TCEA1: variants seen among roughly 807,000 people sequenced by gnomAD.
TCEA1 encodes transcription elongation factor A protein 1.
TCEA1 carries 21 observed loss-of-function variants against 43.8 expected under a neutral mutation model. The observed-to-expected ratio is 0.48, with a 90% CI of 0.34 to 0.69. The LOEUF is 0.69. Ranked by LOEUF, TCEA1 falls within the 30% of genes least tolerant of loss-of-function variation. The probability of loss-of-function intolerance (pLI) is 0.01; values close to 1 mark genes in which losing one functional copy is unlikely to be tolerated. For missense variants in TCEA1, 250 were observed against 365.1 expected, an observed-to-expected ratio of 0.68 and a Z score of 2.57; for synonymous variants, 104 against 117.5, an observed-to-expected ratio of 0.88 and a Z score of 0.75.
intron 3 of TCEA1, among the ~76,000 whole-genome samples, chr8:53,996,064 G>A (rs767546987): frequency 1.1e-4 from 16 of 152,210 alleles, no homozygotes; most frequent in Non-Finnish European, 1.9e-4. Flanking sequence ...TAATAGGGTA[G>A]AAAGCATTTA....
chr8:53,990,417 C>G (rs1490040271), intron 4 of TCEA1, among the ~76,000 whole-genome samples: 1 of 150,070 alleles, frequency 6.7e-6, no homozygotes, highest in Non-Finnish European at 1.5e-5. Context: ...GACTGGAGTG[C>G]AGTGAAACAA....
chr8:54,003,151 TACATTTAAAACAC>T (rs1318566040), intron 2 of TCEA1: 2 of 440,678 alleles, frequency 4.5e-6, no homozygotes, highest in Non-Finnish European at 9.1e-6. Flanking sequence ...ATGTAAAACA[TACATTTAAAACAC>T]ACATATATAA....
chr8:53,978,224 C>A (rs533817864), intron 8 of TCEA1, among the ~76,000 whole-genome samples: 1 of 151,990 alleles, frequency 6.6e-6, no homozygotes, highest in African/African-American at 2.4e-5. Context: ...TGCAGCAAGA[C>A]CCCATCTCCG....
Position 54,006,899 on chromosome 8 carries a change from G to A in TCEA1, c.126+3531C>T, listed in dbSNP as rs991057415. Among the ~76,000 whole-genome samples the A allele has an allele frequency of 2.0e-5, 3 of 151,698 alleles. No homozygotes were observed. The East Asian group carries it at 5.9e-4, about 30-fold the overall frequency. On this transcript the variant is annotated intron_variant, in intron 2 of 9. Transcript: ENST00000521604. ...GTTGCCCAGGCTGGGGTGCAGTGGC[G>A]CAATCTTGACTCACTGCAACCTCCG... is the stretch of plus-strand genomic sequence containing the variant.
At chr8:54,016,007 T>A (rs1363858209) in intron 1 of TCEA1, among the ~76,000 whole-genome samples, 1 of 152,158 alleles carries the variant, frequency 6.6e-6, no homozygotes, top group Non-Finnish European at 1.5e-5. Context: ...AGGAAGGCTA[T>A]AATCAAGACA....
rs572163500 is a variant in TCEA1 at position 54,021,982 on chromosome 8, GAGA to G, written c.63+78_63+80del. ...CGGGAGGCTGCAGGGGGAGGGGAGG[GAGA>G]AGGAGGGAGGGGGCGGCCCCCTCGG... On this transcript the variant is annotated intron_variant, in intron 1 of 9. Coordinates refer to ENST00000521604, the MANE Select transcript of TCEA1 (RefSeq NM_006756.4). The G allele has an allele frequency of 1.9e-4, 245 of 1,309,854 alleles. 3 individuals are homozygous for G. In the South Asian group the frequency reaches 3.8e-3, roughly 20 times the overall value. 81.1% of individuals were successfully genotyped at this position (1,309,854 alleles called of 1,614,324 possible).
rs563603736 is a variant in TCEA1, at chr8:53,991,531, C to G, written c.320+2137G>C. On this transcript the variant is annotated intron_variant, in intron 4 of 9. Transcript: ENST00000521604. ...TCAAAATGGAGAAACCCCGTCTCCA[C>G]TAAAAATACAAAATTAGCCAGGCAT... is the stretch of plus-strand genomic sequence containing the variant. 1.7e-3 allele frequency among the ~76,000 whole-genome samples: 253 copies of G among 151,916 alleles called. 2 individuals are homozygous for G. Among genetic ancestry groups the G allele is most frequent in the Non-Finnish European group, 3.0e-3 (204 of 67,974 alleles).
intron 1 of TCEA1, among the ~76,000 whole-genome samples, chr8:54,013,365 C>CT (rs1804716209): frequency 6.6e-6 from 1 of 152,076 alleles, no homozygotes; most frequent in Non-Finnish European, 1.5e-5. Flanking sequence ...ACTGAAGGGT[C>CT]TTTAAGAAAT....
At position 53,979,126 on chromosome 8, in the gene TCEA1, T is replaced by C; in HGVS notation, c.724A>G (p.Lys242Glu). ...ELKEMRKNLT[K>E]EAIREHQMAK... ...ATCTGATGCTCTCTGATGGCTTCTT[T>C]GGTCAAGTTTTTCCGCATCTCTTTC... Residue 242 changes from lysine to glutamate, a missense_variant, in exon 8 of 10, where the codon AAA (lysine) becomes GAA (glutamate). By Grantham distance (56) the Lys-to-Glu change is moderately conservative. Transcript: ENST00000521604. 6.2e-7 allele frequency: 1 copy of C among 1,613,868 alleles called. No homozygotes were observed. Among genetic ancestry groups the C allele is most frequent in the Non-Finnish European group, 8.5e-7 (1 of 1,179,826 alleles).
At position 53,999,971 on chromosome 8, in the gene TCEA1, A is replaced by T. The variant is rs1256739538; in HGVS notation, c.206T>A (p.Leu69His). 6.3e-7 allele frequency: 1 copy of T among 1,599,592 alleles called. No homozygotes were observed. Among genetic ancestry groups the T allele is most frequent in the Non-Finnish European group, 8.5e-7 (1 of 1,171,110 alleles). ...DEEVTSLAKSLIKSWKKLLDG... is the reference protein window; with the variant it reads ...DEEVTSLAKSHIKSWKKLLDG... ...TAATAATTTTTTCCAGGATTTGATG[A>T]GAGACTTTGCCAAAGATGTAACTTC... Residue 69 changes from leucine to histidine, a missense_variant, in exon 3 of 10, where the codon CTC becomes CAC. By Grantham distance (99) the Leu-to-His change is moderately conservative. This residue lies in a region of TCEA1 where 27 missense variants were observed against 63.1 expected (regional missense o/e 0.43). Transcript: ENST00000521604.
At chr8:53,978,540 C>T (rs1423624972) in intron 8 of TCEA1, 3 of 153,832 alleles carry the variant, frequency 2.0e-5, no homozygotes, top group Non-Finnish European at 4.3e-5. Context: ...TCATCCACAT[C>T]ATCAGGGCTC....
chr8:54,018,644 G>C (rs1352333237), intron 1 of TCEA1, among the ~76,000 whole-genome samples: 1 of 152,136 alleles, frequency 6.6e-6, no homozygotes, highest in African/African-American at 2.4e-5. Flanking sequence ...AGCTTAAGCA[G>C]AAAACAGCTA....
intron 3 of TCEA1, among the ~76,000 whole-genome samples, chr8:53,997,140 C>T (rs1804085524): frequency 6.6e-6 from 1 of 151,932 alleles, no homozygotes; most frequent in Non-Finnish European, 1.5e-5. Context: ...GATCTCCTGA[C>T]CTCGTGATCT....
intron 6 of TCEA1, 45 bp downstream of exon 6, chr8:53,986,924 T>C: frequency 1.4e-6 from 2 of 1,440,408 alleles, no homozygotes; most frequent in Non-Finnish European, 1.9e-6. Context: ...TCAATAAATA[T>C]TACTTATTAA....
chr8:54,019,125 G>A (rs146459869), intron 1 of TCEA1, among the ~76,000 whole-genome samples: 1 of 152,152 alleles, frequency 6.6e-6, no homozygotes, highest in Non-Finnish European at 1.5e-5. Flanking sequence ...TCAATAAATG[G>A]TAAGCTGTTT....
intron 3 of TCEA1, among the ~76,000 whole-genome samples, chr8:53,997,911 A>G (rs1204959912): frequency 6.6e-6 from 1 of 152,236 alleles, no homozygotes; most frequent in African/African-American, 2.4e-5. Flanking sequence ...TGGATAGGGG[A>G]ATAAACCTGC....
At chr8:53,986,453 T>A (rs773460251) in intron 6 of TCEA1, among the ~76,000 whole-genome samples, 1 of 152,234 alleles carries the variant, frequency 6.6e-6, no homozygotes, top group Non-Finnish European at 1.5e-5. Context: ...AAAGTCAATC[T>A]TGGACACTCA....
At chr8:54,010,248 A>G in intron 2 of TCEA1, 182 bp downstream of exon 2, 1 of 537,768 alleles carries the variant, frequency 1.9e-6, no homozygotes, top group South Asian at 2.3e-5. Context: ...GAAAGGCGAC[A>G]TTGCTCTATA....
At chr8:53,977,552 T>C (rs1803370263) in intron 8 of TCEA1, among the ~76,000 whole-genome samples, 1 of 152,230 alleles carries the variant, frequency 6.6e-6, no homozygotes, top group African/African-American at 2.4e-5. Flanking sequence ...TTAGTGATGC[T>C]ATTTTTTAAG....
Sources: gnomAD v4.1 joint callset for allele counts (sites outside exome capture counted in the v4.1 genomes callset) on GRCh38, gnomAD v4.1.1 for gene constraint, gnomAD v4.1.1 regional missense constraint, MANE v1.5 for transcripts, NCBI Gene and HGNC (gene_info 2026-07-23, HGNC 2026-07-21) for gene names.